The following MYO18B variants were observed in gnomAD, a reference collection of about 807,000 sequenced individuals.
MYO18B encodes the protein myosin XVIIIB.
Under a neutral mutation model 273.0 loss-of-function variants are expected in MYO18B, and 204 were observed. The observed-to-expected ratio is 0.75, with a 90% CI of 0.67 to 0.84. MYO18B has a LOEUF of 0.84. Ranked by LOEUF, MYO18B falls within the 40% of genes least tolerant of loss-of-function variation. The pLI is 0.00. For missense variants in MYO18B, 3,212 were observed against 3,287.6 expected (o/e 0.98, Z 0.56); for synonymous variants, 1,330 against 1,305.7 (o/e 1.02, Z -0.40).
chr22:25,841,159 G>A (rs1191245076), intron 17 of MYO18B, among the ~76,000 whole-genome samples: 1 of 152,170 alleles, frequency 6.6e-6, no homozygotes, highest in African/African-American at 2.4e-5. Context: ...AGGCACAGTG[G>A]ACAGTCAGGT....
intron 39 of MYO18B, among the ~76,000 whole-genome samples, chr22:25,980,553 A>G (rs1485514430): frequency 6.6e-6 from 1 of 152,176 alleles, no homozygotes; most frequent in East Asian, 1.9e-4. Flanking sequence ...CGTGAGTCAA[A>G]TAGATGTTAT....
In MYO18B at chr22:25,847,530, C is replaced by T; in HGVS notation, c.3653C>T (p.Pro1218Leu). ...AGCAGGAGTGGGCAGGAATCTCCACCACCACCGCAGCCTGGTAGAGACAAG... is the reference window on the plus strand; with the variant it reads ...AGCAGGAGTGGGCAGGAATCTCCACTACCACCGCAGCCTGGTAGAGACAAG... ...VESRSGQESP[P>L]PPQPGRDKPG... is the part of the protein sequence containing the mutation. The change falls in exon 20 of 44, where the codon CCA becomes CTA. Residue 1218 changes from proline (P) to leucine (L), a missense_variant. Pro to Leu is a moderately conservative substitution (Grantham distance 98, BLOSUM62 -3). Transcript: ENST00000335473. 3 of 1,575,112 alleles carry T rather than the reference C, an allele frequency of 1.9e-6. No individual in the cohort carries two copies. The highest frequency in any genetic ancestry group is 1.2e-5 in the South Asian group (1 of 85,474).
At chr22:26,037,433 G>A in the MYO18B span, among the ~76,000 whole-genome samples, 1 of 152,134 alleles carries the variant, frequency 6.6e-6, no homozygotes, top group Non-Finnish European at 1.5e-5. Context: ...GCAGAAGCTG[G>A]GATTAGAGTT....
chr22:25,880,593 T>G (rs888570624), intron 25 of MYO18B, among the ~76,000 whole-genome samples: 1 of 152,184 alleles, frequency 6.6e-6, no homozygotes, highest in Non-Finnish European at 1.5e-5. Flanking sequence ...ATGAAACCCA[T>G]TTTTTCACCC....
At chr22:26,062,501 C>G in the MYO18B span, among the ~76,000 whole-genome samples, 1 of 152,098 alleles carries the variant, frequency 6.6e-6, no homozygotes, top group Non-Finnish European at 1.5e-5. Context: ...AAAGCAGAAC[C>G]CTGGCAATAT....
chr22:26,022,345 A>G (rs933215432), intron 42 of MYO18B, among the ~76,000 whole-genome samples: 1 of 151,836 alleles, frequency 6.6e-6, no homozygotes, highest in Non-Finnish European at 1.5e-5. Context: ...CAGTGCTGGG[A>G]CAGGAATGGG....
At chr22:25,767,647 C>T (rs547323698) in intron 3 of MYO18B, among the ~76,000 whole-genome samples, 8 of 152,294 alleles carry the variant, frequency 5.3e-5, no homozygotes, top group African/African-American at 1.4e-4. Flanking sequence ...ATCCCCTACT[C>T]GCCTAGGAAA....
chr22:26,024,863 A>C (rs1465495676), intron 42 of MYO18B, among the ~76,000 whole-genome samples: 1 of 152,204 alleles, frequency 6.6e-6, no homozygotes, highest in Admixed American at 6.5e-5. Flanking sequence ...TGGGTGGCTT[A>C]TAAACAACAG....
At chr22:25,759,276 C>T (rs562742040) in intron 1 of MYO18B, among the ~76,000 whole-genome samples, 38 of 152,218 alleles carry the variant, frequency 2.5e-4, no homozygotes, top group African/African-American at 6.7e-4. Context: ...AGACTTGGAA[C>T]GAACCCCAAT....
At chr22:25,848,086 C>T (rs1186680124) in intron 20 of MYO18B, among the ~76,000 whole-genome samples, 3 of 152,138 alleles carry the variant, frequency 2.0e-5, no homozygotes, top group Non-Finnish European at 4.4e-5. Context: ...ATTGCCTGTA[C>T]ACTCCTAGAA....
chr22:25,747,811 C>G (rs1184120662), intron 1 of MYO18B, among the ~76,000 whole-genome samples: 1 of 152,154 alleles, frequency 6.6e-6, no homozygotes, highest in African/African-American at 2.4e-5. Flanking sequence ...TCAGAAATGG[C>G]TCACAGGCCT....
chr22:26,054,963 C>G, the MYO18B span, among the ~76,000 whole-genome samples: 28 of 152,066 alleles, frequency 1.8e-4, no homozygotes, highest in Non-Finnish European at 3.5e-4. Context: ...TTTCAAGCAT[C>G]AGACAGCATG....
At chr22:25,982,346 C>G (rs1199003484) in intron 39 of MYO18B, among the ~76,000 whole-genome samples, 2 of 152,158 alleles carry the variant, frequency 1.3e-5, no homozygotes, top group Non-Finnish European at 2.9e-5. Context: ...AGGGGACCCT[C>G]CAGCTGCAGT....
intron 43 of MYO18B, among the ~76,000 whole-genome samples, chr22:26,029,208 G>A (rs547044711): frequency 6.6e-6 from 1 of 152,282 alleles, no homozygotes; most frequent in South Asian, 2.1e-4. Context: ...CCCAGTCACT[G>A]AATCTCAGAA....
chr22:26,015,605 G>A (rs1184651410), intron 42 of MYO18B, among the ~76,000 whole-genome samples: 1 of 152,096 alleles, frequency 6.6e-6, no homozygotes, highest in African/African-American at 2.4e-5. Context: ...AATTATGAAA[G>A]CACATGGACA....
chr22:25,789,447 C>T (rs1179773678), intron 11 of MYO18B, among the ~76,000 whole-genome samples: 2 of 151,438 alleles, frequency 1.3e-5, no homozygotes, highest in Non-Finnish European at 2.9e-5. Context: ...ACCAGCCTGG[C>T]CAACATGGTG....
chr22:25,960,811 C>T (rs1012482675), intron 39 of MYO18B, among the ~76,000 whole-genome samples: 1 of 152,126 alleles, frequency 6.6e-6, no homozygotes, highest in South Asian at 2.1e-4. Flanking sequence ...GCAGGAGATC[C>T]TTCAAGAAGG....
At chr22:25,901,449 A>T (rs1325762806) in intron 29 of MYO18B, 1 of 152,150 alleles carries the variant, frequency 6.6e-6, no homozygotes, top group Non-Finnish European at 1.5e-5. Flanking sequence ...AACATCCAGG[A>T]GGGGCTTCTC....
At chr22:25,750,857 C>T (rs917091174) in intron 1 of MYO18B, among the ~76,000 whole-genome samples, 3 of 152,082 alleles carry the variant, frequency 2.0e-5, no homozygotes, top group Admixed American at 2.0e-4. Flanking sequence ...TGAAGGATGG[C>T]GGAGTCAGAG....
Sources: gnomAD v4.1 joint callset for allele counts (sites outside exome capture counted in the v4.1 genomes callset) on GRCh38, gnomAD v4.1.1 for gene constraint, MANE v1.5 for transcripts, NCBI Gene and HGNC (gene_info 2026-07-23, HGNC 2026-07-21) for gene names.